RPS6KC1: variants seen among roughly 807,000 people sequenced by gnomAD.
RPS6KC1 encodes inactive ribosomal protein S6 kinase delta-1.
Under a neutral mutation model 103.8 loss-of-function variants are expected in RPS6KC1, and 54 were observed. That is an observed-to-expected ratio of 0.52 (90% CI 0.42 to 0.65). The LOEUF (loss-of-function observed/expected upper bound fraction) is 0.65. Ranked by LOEUF, RPS6KC1 falls within the 30% of genes least tolerant of loss-of-function variation. The probability of loss-of-function intolerance (pLI) is 0.00; values close to 1 mark genes in which losing one functional copy is unlikely to be tolerated. For missense variants in RPS6KC1, 1,151 were observed against 1,253.8 expected, an observed-to-expected ratio of 0.92 and a Z score of 1.24; for synonymous variants, 439 against 438.7, an observed-to-expected ratio of 1.00 and a Z score of -0.01.
intron 7 of RPS6KC1, 53 bp from the exon 8 acceptor site, chr1:213,176,347 C>G: frequency 2.4e-6 from 3 of 1,252,522 alleles, no homozygotes; most frequent in Non-Finnish European, 3.4e-6. Flanking sequence ...AGCAGGCAGC[C>G]TTCCTTCAAG....
chr1:213,449,455 T>C, the RPS6KC1 span, among the ~76,000 whole-genome samples: 1 of 152,184 alleles, frequency 6.6e-6, no homozygotes, highest in Non-Finnish European at 1.5e-5. Context: ...TCCTGTGTCC[T>C]CATGCGGCCT....
At chr1:213,667,056 A>T in the RPS6KC1 span, among the ~76,000 whole-genome samples, 2 of 152,238 alleles carry the variant, frequency 1.3e-5, no homozygotes, top group South Asian at 4.1e-4. Flanking sequence ...TGGGCAAACG[A>T]AACAGGTTTG....
intron 3 of RPS6KC1, 48 bp downstream of exon 3, chr1:213,077,864 T>C (rs1045913456): frequency 1.8e-6 from 2 of 1,138,572 alleles, no homozygotes; most frequent in Admixed American, 2.7e-5. Context: ...ATTAATTTTG[T>C]ATATATACTG....
chr1:213,212,362 C>T (rs781634360), intron 8 of RPS6KC1, among the ~76,000 whole-genome samples: 3 of 151,872 alleles, frequency 2.0e-5, no homozygotes, highest in Non-Finnish European at 4.4e-5. Context: ...GATTGGCTTT[C>T]TTCACTTAGT....
chr1:213,393,160 C>T, the RPS6KC1 span, among the ~76,000 whole-genome samples: 1 of 152,154 alleles, frequency 6.6e-6, no homozygotes, highest in African/African-American at 2.4e-5. Flanking sequence ...TTTTTCTCTT[C>T]GAGTGTCCCC....
At chr1:213,759,595 G>A in the RPS6KC1 span, among the ~76,000 whole-genome samples, 1 of 151,474 alleles carries the variant, frequency 6.6e-6, no homozygotes. Context: ...CCAGTAAAAG[G>A]GCTTAAACCC....
chr1:213,448,692 A>G, the RPS6KC1 span, among the ~76,000 whole-genome samples: 2 of 151,650 alleles, frequency 1.3e-5, no homozygotes, highest in African/African-American at 4.9e-5. Context: ...GAGATTTTCA[A>G]GGTTTTCTCT....
the RPS6KC1 span, among the ~76,000 whole-genome samples, chr1:213,665,791 G>C: frequency 6.6e-6 from 1 of 152,126 alleles, no homozygotes; most frequent in African/African-American, 2.4e-5. Context: ...CAATCCATTA[G>C]TAGAAGGAGA....
chr1:213,577,120 TTGGGAGGTAATTTAATCA>T, the RPS6KC1 span, among the ~76,000 whole-genome samples: 1 of 152,146 alleles, frequency 6.6e-6, no homozygotes, highest in Non-Finnish European at 1.5e-5. Context: ...AGGGACACTG[TTGGGAGGTAATTTAATCA>T]TGGGAGTGGG....
chr1:213,772,822 T>C, the RPS6KC1 span, among the ~76,000 whole-genome samples: 2 of 152,194 alleles, frequency 1.3e-5, no homozygotes, highest in Non-Finnish European at 1.5e-5. Flanking sequence ...GGTTCGATGC[T>C]AATGAGGCCA....
the RPS6KC1 span, among the ~76,000 whole-genome samples, chr1:213,830,805 T>C: frequency 6.6e-6 from 1 of 152,088 alleles, no homozygotes; most frequent in Non-Finnish European, 1.5e-5. Context: ...TACACAAAAA[T>C]CCTGGCTTAT....
At chr1:213,323,438 G>A in the RPS6KC1 span, among the ~76,000 whole-genome samples, 1 of 152,178 alleles carries the variant, frequency 6.6e-6, no homozygotes, top group Admixed American at 6.5e-5. Context: ...GTATCCAGCT[G>A]CCACACATCT....
chr1:213,667,231 G>A, the RPS6KC1 span, among the ~76,000 whole-genome samples: 50 of 152,296 alleles, frequency 3.3e-4, no homozygotes, highest in African/African-American at 9.4e-4. Flanking sequence ...GGGAAAATGG[G>A]AGGGAGTATA....
chr1:213,706,213 C>T, the RPS6KC1 span, among the ~76,000 whole-genome samples: 1 of 152,124 alleles, frequency 6.6e-6, no homozygotes, highest in Non-Finnish European at 1.5e-5. Context: ...TTATAGGGCC[C>T]CACATCACTT....
At chr1:213,284,511 GAA>G in the RPS6KC1 span, among the ~76,000 whole-genome samples, 1 of 118,796 alleles carries the variant, frequency 8.4e-6, no homozygotes, top group Non-Finnish European at 1.8e-5. Context: ...CTTGGTCTCA[GAA>G]AAAAAAAAAA....
At chr1:213,322,547 T>C in the RPS6KC1 span, among the ~76,000 whole-genome samples, 1 of 152,166 alleles carries the variant, frequency 6.6e-6, no homozygotes, top group African/African-American at 2.4e-5. Context: ...TTACCACAAA[T>C]GTAGTGGCTT....
intron 1 of RPS6KC1, among the ~76,000 whole-genome samples, chr1:213,058,354 A>T (rs564804478): frequency 1.2e-4 from 18 of 152,174 alleles, no homozygotes; most frequent in Non-Finnish European, 2.5e-4. Context: ...ACCTCAGGTT[A>T]CAAATATTTT....
At chr1:213,596,635 T>C in the RPS6KC1 span, among the ~76,000 whole-genome samples, 1 of 152,256 alleles carries the variant, frequency 6.6e-6, no homozygotes, top group African/African-American at 2.4e-5. Context: ...GTTTGATCTT[T>C]TCAATTATTT....
At chr1:213,150,119 G>A (rs1452030962) in intron 6 of RPS6KC1, among the ~76,000 whole-genome samples, 1 of 152,000 alleles carries the variant, frequency 6.6e-6, no homozygotes, top group Non-Finnish European at 1.5e-5. Context: ...TGTCTTGATT[G>A]TAGTTTAGTC....
Sources: allele counts gnomAD v4.1 joint callset (sites outside exome capture counted in the v4.1 genomes callset), GRCh38; gene constraint gnomAD v4.1.1; transcripts MANE v1.5; gene names NCBI Gene and HGNC (gene_info 2026-07-23, HGNC 2026-07-21).